ZNF121: variants seen among roughly 807,000 people sequenced by gnomAD.
ZNF121 encodes the protein zinc finger protein 121 (clone ZHC32).
ZNF121 carries 1 observed loss-of-function variant against 2.4 expected under a neutral mutation model. The observed-to-expected ratio is 0.41, with a 90% confidence interval of 0.15 to 1.94. ZNF121 has a LOEUF of 1.94. Ranked by LOEUF, ZNF121 falls within the 30% of genes most tolerant of loss-of-function variation. The pLI, the probability that ZNF121 is intolerant of heterozygous loss-of-function variation, is 0.30. For missense variants in ZNF121, 369 were observed against 466.3 expected, an observed-to-expected ratio of 0.79 and a Z score of 1.92; for synonymous variants, 173 against 158.6, an observed-to-expected ratio of 1.09 and a Z score of -0.68.
At chr19:9,570,082 T>C (rs1016675766) in intron 1 of ZNF121, among the ~76,000 whole-genome samples, 1 of 151,918 alleles carries the variant, frequency 6.6e-6, no homozygotes, top group Non-Finnish European at 1.5e-5. Flanking sequence ...GGCACGTGCC[T>C]GTAGTCCCAA....
chr19:9,571,052 G>A (rs928340092), intron 1 of ZNF121, among the ~76,000 whole-genome samples: 6 of 152,292 alleles, frequency 3.9e-5, no homozygotes, highest in South Asian at 2.1e-4. Context: ...CTAACTGATC[G>A]TGCTGTCCCT....
chr19:9,570,743 A>G (rs1045078594), intron 1 of ZNF121, among the ~76,000 whole-genome samples: 40 of 145,722 alleles, frequency 2.7e-4, no homozygotes, highest in African/African-American at 9.3e-4. Context: ...ATTTTTTGCG[A>G]GGGGGGGGGG....
In ZNF121 at chr19:9,563,732, GC is replaced by G. The variant is rs1430352381; in HGVS notation, c.*2207del. ...AAGCCACTTTTCCCAGCCTGGGCTG[GC>G]TTTCTTGTTAGAGGTCAATGCAGTT... On this transcript the variant is annotated 3_prime_UTR_variant, in exon 4 of 4. Coordinates refer to ENST00000320451, the MANE Select transcript of ZNF121 (RefSeq NM_001008727.5). 1 of 152,186 alleles carries G rather than the reference GC, an allele frequency of 6.6e-6. No individual in the cohort carries two copies. Among genetic ancestry groups the G allele is most frequent in the Non-Finnish European group, 1.5e-5 (1 of 68,022 alleles). 9.4% of individuals were successfully genotyped at this position (152,186 alleles called of 1,614,324 possible).
chr19:9,579,205 A>C (rs1190772782), intron 1 of ZNF121, among the ~76,000 whole-genome samples: 1 of 152,220 alleles, frequency 6.6e-6, no homozygotes, highest in Non-Finnish European at 1.5e-5. Context: ...GGATGTGGTG[A>C]AAAGATAATC....
chr19:9,573,538 G>C (rs1376484185), intron 1 of ZNF121, among the ~76,000 whole-genome samples: 1 of 152,178 alleles, frequency 6.6e-6, no homozygotes, highest in Non-Finnish European at 1.5e-5. Flanking sequence ...GGAATCACTG[G>C]TGTTCAAGAG....
At chr19:9,568,780 T>C (rs2074152674) in intron 2 of ZNF121, among the ~76,000 whole-genome samples, 1 of 152,100 alleles carries the variant, frequency 6.6e-6, no homozygotes. Flanking sequence ...AGAGCACACA[T>C]TAAAGTCATA....
At chr19:9,571,644 G>C (rs2074174925) in intron 1 of ZNF121, among the ~76,000 whole-genome samples, 2 of 152,124 alleles carry the variant, frequency 1.3e-5, no homozygotes, top group Non-Finnish European at 2.9e-5. Context: ...CGAGGTCTCT[G>C]TCGTAACTTA....
chr19:9,574,187 C>T (rs1344242405), intron 1 of ZNF121, among the ~76,000 whole-genome samples: 1 of 152,042 alleles, frequency 6.6e-6, no homozygotes, highest in Non-Finnish European at 1.5e-5. Context: ...ATTCTGTCGC[C>T]CAGGCTGCAG....
chr19:9,583,085 C>T (rs1468294575), intron 1 of ZNF121, among the ~76,000 whole-genome samples: 1 of 136,142 alleles, frequency 7.3e-6, no homozygotes, highest in Non-Finnish European at 1.6e-5. Context: ...TGGGCATGGT[C>T]CCCATGCCTG....
At position 9,566,764 on chromosome 19, in the gene ZNF121, CAT is replaced by C; in HGVS notation, c.347_348del (p.Tyr116Ter). The part of the protein sequence containing the change: ...NRITHNGETL[Y>X]EQKQCGRAFT... ...AAAGCTCTCCCACATTGCTTCTGTT[CAT>C]AGAGTGTTTCTCCATTGTGAGTTAT... On this transcript the variant is annotated frameshift_variant, in exon 4 of 4. Transcript: ENST00000320451. LOFTEE classifies it low-confidence loss of function (END_TRUNC). 1 of 1,614,182 alleles carries C rather than the reference CAT, an allele frequency of 6.2e-7. No individual in the cohort carries two copies. The highest frequency in any genetic ancestry group is 8.5e-7 in the Non-Finnish European group (1 of 1,180,032).
In ZNF121 at chr19:9,563,000, A is replaced by G. The variant is rs1411052652; in HGVS notation, c.*2940T>C. ...TGGAACCCGTAAGTTTGAGGCTGCA[A>G]TGGGCTATAACTGTACTACACTCCA... On this transcript the variant is annotated 3_prime_UTR_variant, in exon 4 of 4. Coordinates refer to ENST00000320451, the MANE Select transcript of ZNF121 (RefSeq NM_001008727.5). The G allele has an allele frequency of 1.4e-5, 2 of 146,290 alleles. No homozygotes were observed. The highest frequency in any genetic ancestry group is 3.0e-5 in the Non-Finnish European group (2 of 66,848). 9.1% of individuals were successfully genotyped at this position (146,290 alleles called of 1,614,324 possible). A position where few individuals can be genotyped will look rare whatever the true frequency, so the allele number is the denominator to read the frequency against.
Position 9,565,217 on chromosome 19 carries a change from A to G in ZNF121, c.*723T>C, listed in dbSNP as rs1015230283. 1.4e-4 allele frequency: 22 copies of G among 151,852 alleles called. No homozygotes were observed. Among genetic ancestry groups the G allele is most frequent in the African/African-American group, 5.3e-4 (22 of 41,360 alleles). 9.4% of individuals were successfully genotyped at this position (151,852 alleles called of 1,614,324 possible). A position where few individuals can be genotyped will look rare whatever the true frequency, so the allele number is the denominator to read the frequency against. On this transcript the variant is annotated 3_prime_UTR_variant, in exon 4 of 4. Coordinates refer to ENST00000320451, the MANE Select transcript of ZNF121 (RefSeq NM_001008727.5). ...TCTTCTCCATTGCAACATCTTATAT[A>G]CTTAGAAAGGCCTAAGGAAATAATG... is the stretch of plus-strand genomic sequence containing the variant.
rs201353916 is a variant in ZNF121, at chr19:9,566,774, T to C, written c.339A>G (p.Glu113=). The C allele has an allele frequency of 6.2e-7, 1 of 1,614,194 alleles. No individual in the cohort carries two copies. Among genetic ancestry groups the C allele is most frequent in the East Asian group, 2.2e-5 (1 of 44,878 alleles). ...LQANRITHNG[E]TLYEQKQCGR... ...CACATTGCTTCTGTTCATAGAGTGTTTCTCCATTGTGAGTTATCCTATTTG... is the reference window on the plus strand; with the variant it reads ...CACATTGCTTCTGTTCATAGAGTGTCTCTCCATTGTGAGTTATCCTATTTG... Residue 113 remains glutamate, a synonymous_variant, in exon 4 of 4, where the codon GAA becomes GAG. Transcript: ENST00000320451.
At position 9,565,995 on chromosome 19, in the gene ZNF121, C is replaced by T. The variant is rs761893694; in HGVS notation, c.1118G>A (p.Cys373Tyr). The T allele has an allele frequency of 1.3e-5, 21 of 1,601,498 alleles. No individual in the cohort carries two copies. Among genetic ancestry groups the T allele is most frequent in the Non-Finnish European group, 1.5e-5 (18 of 1,174,730 alleles). ...ATAAAATCTATTGTAGGCTTTCCCACATTCGTTACATATATAGGGTTTCTC... is the reference window on the plus strand; with the variant it reads ...ATAAAATCTATTGTAGGCTTTCCCATATTCGTTACATATATAGGGTTTCTC... ...TGEKPYICNE[C>Y]GKAYNRFYLL... Residue 373 changes from cysteine to tyrosine, a missense_variant, in exon 4 of 4, where the codon TGT becomes TAT. By Grantham distance (194) the Cys-to-Tyr change is radical. Around this residue, in one of 4 missense-constraint regions of ZNF121, gnomAD observed 127 missense variants for 169.9 expected, o/e 0.75. Coordinates refer to ENST00000320451, the MANE Select transcript of ZNF121 (RefSeq NM_001008727.5).
intron 1 of ZNF121, among the ~76,000 whole-genome samples, chr19:9,571,506 A>G (rs1402267967): frequency 6.6e-6 from 1 of 152,204 alleles, no homozygotes; most frequent in Non-Finnish European, 1.5e-5. Flanking sequence ...GTCACTTGGT[A>G]TGCAGGCATT....
intron 1 of ZNF121, among the ~76,000 whole-genome samples, chr19:9,572,948 G>A (rs1470452859): frequency 1.3e-5 from 2 of 152,176 alleles, no homozygotes; most frequent in Non-Finnish European, 2.9e-5. Flanking sequence ...CTGGGAGGTA[G>A]AGGCTGCAGT....
chr19:9,578,405 GAAGGA>G (rs2144821811), intron 1 of ZNF121, among the ~76,000 whole-genome samples: 2 of 151,522 alleles, frequency 1.3e-5, no homozygotes, highest in South Asian at 4.2e-4. Flanking sequence ...AAAAAAAAAA[GAAGGA>G]AAGAAAAAGC....
intron 1 of ZNF121, among the ~76,000 whole-genome samples, chr19:9,570,920 T>G (rs539251840): frequency 6.6e-6 from 1 of 152,234 alleles, no homozygotes; most frequent in East Asian, 1.9e-4. Flanking sequence ...GGACCCAGAA[T>G]AGCAGAAATC....
Position 9,568,221 on chromosome 19 carries a change from A to G in ZNF121, c.-78-46T>C, listed in dbSNP as rs1176345983. ...AGAAAAAAAAATAGGGTCTGAGAAC[A>G]AAACAGTAGGTTAAATAAGTCAGAA... On this transcript the variant is annotated intron_variant, in intron 2 of 3. Transcript: ENST00000320451. 6 of 901,650 alleles carry G rather than the reference A, an allele frequency of 6.7e-6. No homozygotes were observed. In the Admixed American group the frequency reaches 1.7e-4, roughly 26 times the overall value. 55.9% of individuals were successfully genotyped at this position (901,650 alleles called of 1,614,324 possible). A position where few individuals can be genotyped will look rare whatever the true frequency, so the allele number is the denominator to read the frequency against.
Sources: gnomAD v4.1 joint callset for allele counts (sites outside exome capture counted in the v4.1 genomes callset) on GRCh38, gnomAD v4.1.1 for gene constraint, gnomAD v4.1.1 regional missense constraint, MANE v1.5 for transcripts, NCBI Gene and HGNC (gene_info 2026-07-23, HGNC 2026-07-21) for gene names.